Variants in MPRIP observed in about 807,000 individuals in gnomAD.
MPRIP encodes myosin phosphatase Rho interacting protein, also known as myosin phosphatase Rho-interacting protein.
A neutral mutation model predicts 234.9 loss-of-function variants in MPRIP; 59 were observed. The ratio of observed to expected loss-of-function variants is 0.25; its 90% CI spans 0.20 to 0.31. The LOEUF is 0.31. MPRIP is among the 10% of genes least tolerant of loss of function. MPRIP has a pLI of 1.00. For missense variants in MPRIP, 2,436 were observed against 3,071.0 expected, an observed-to-expected ratio of 0.79 and a Z score of 4.89; for synonymous variants, 1,144 against 1,263.9, an observed-to-expected ratio of 0.91 and a Z score of 2.01.
chr17:17,129,376 T>A (rs2090554076), intron 4 of MPRIP, among the ~76,000 whole-genome samples: 1 of 152,084 alleles, frequency 6.6e-6, no homozygotes, highest in African/African-American at 2.4e-5. Context: ...ACCCCTCTCC[T>A]CTCTTCTTGG....
chr17:17,149,956 ATGG>A (rs976657194), intron 11 of MPRIP, 185 bp from the exon 12 acceptor site: 1 of 547,996 alleles, frequency 1.8e-6, no homozygotes, highest in Admixed American at 3.3e-5. Context: ...ACAGGGACAG[ATGG>A]TGGTGTGATT....
In MPRIP at chr17:17,172,720, C is replaced by T. The variant is rs754543504; in HGVS notation, c.6495C>T (p.Ala2165=). The T allele has an allele frequency of 1.2e-6, 2 of 1,611,510 alleles. No individual in the cohort carries two copies. The highest frequency in any genetic ancestry group is 1.7e-6 in the Non-Finnish European group (2 of 1,179,996). The change falls in exon 18 of 24, where the codon GCC becomes GCT. Residue 2165 remains alanine (A), a synonymous_variant. Transcript: ENST00000651222. The part of the protein sequence containing the change: ...TISAIEAMKN[A]HREEMERELE... The stretch of plus-strand genomic sequence containing the variant: ...CAGCCATCGAAGCCATGAAGAACGC[C>T]CACCGGGAGGAAATGGAGCGGGAGC...
chr17:17,148,968 A>G (rs1233127198), intron 11 of MPRIP, among the ~76,000 whole-genome samples: 2 of 152,244 alleles, frequency 1.3e-5, no homozygotes, highest in African/African-American at 4.8e-5. Flanking sequence ...TGGTATTAGC[A>G]AAGGCGATAT....
Position 17,143,632 on chromosome 17 carries a change from A to G in MPRIP, c.1466A>G (p.Lys489Arg), listed in dbSNP as rs1024593008. 2.5e-6 allele frequency: 4 copies of G among 1,607,350 alleles called. No homozygotes were observed. Among genetic ancestry groups the G allele is most frequent in the Middle Eastern group, 1.7e-4 (1 of 6,052 alleles). Residue 489 changes from lysine (K) to arginine (R), a missense_variant, in exon 9 of 24, where the codon AAG (lysine) becomes AGG (arginine). This residue lies in a region of MPRIP where 1,998 missense variants were observed against 2,520.3 expected (regional missense o/e 0.79). Coordinates refer to ENST00000651222, the MANE Select transcript of MPRIP (RefSeq NM_001364716.4). ...CCCCTGTCTCCACACCGAAGAGCCA[A>G]GTCACTGGACAGGAGGTCCACGGAG... is the stretch of plus-strand genomic sequence containing the variant. ...ASPLSPHRRA[K>R]SLDRRSTEPS...
At chr17:17,044,391 C>A (rs2088279802) in intron 1 of MPRIP, among the ~76,000 whole-genome samples, 1 of 152,220 alleles carries the variant, frequency 6.6e-6, no homozygotes, top group Non-Finnish European at 1.5e-5. Context: ...TTGGCTGTCA[C>A]TTCCAGCTGT....
In MPRIP at chr17:17,101,646, A is replaced by G. The variant is rs565901520; in HGVS notation, c.267+23570A>G. ...ACTTCAAAGAAAAACCTTCAGCAAC[A>G]TTAAACAGTAGTGTAGACAGCAGTG... On this transcript the variant is annotated intron_variant, in intron 3 of 23. Transcript: ENST00000651222. 4.6e-5 allele frequency among the ~76,000 whole-genome samples: 7 copies of G among 152,374 alleles called. No homozygotes were observed. The East Asian group carries it at 1.3e-3, about 29-fold the overall frequency.
At chr17:17,115,862 A>G (rs2090275551) in intron 3 of MPRIP, among the ~76,000 whole-genome samples, 1 of 152,158 alleles carries the variant, frequency 6.6e-6, no homozygotes, top group African/African-American at 2.4e-5. Context: ...GGTGCTGATC[A>G]TGCAAAGGCC....
At chr17:17,086,759 T>A (rs1467607534) in intron 3 of MPRIP, among the ~76,000 whole-genome samples, 2 of 152,202 alleles carry the variant, frequency 1.3e-5, no homozygotes, top group African/African-American at 2.4e-5. Context: ...CCACTTTTTT[T>A]CCCTGAAGTG....
At chr17:17,155,856 C>T (rs1316752847) in intron 13 of MPRIP, among the ~76,000 whole-genome samples, 1 of 152,246 alleles carries the variant, frequency 6.6e-6, no homozygotes, top group Non-Finnish European at 1.5e-5. Context: ...CCAGGGGCCA[C>T]ATCCTGTGGT....
rs59748753 is a variant in MPRIP, at chr17:17,096,288, G to GGT, written c.267+18265_267+18266dup. Among the ~76,000 whole-genome samples the GGT allele has an allele frequency of 1.2e-3, 160 of 136,582 alleles. 1 individual carries two copies. The highest frequency in any genetic ancestry group is 6.9e-3 in the Middle Eastern group (2 of 290). The allele number at this position is 136,582 out of a possible 152,430, so 89.6% of individuals were successfully genotyped here. ...CTTGGCAGGGTGTGTGTGTGTGCAG[G>GGT]GTGTGTGTGTGTGTGTGTGTGTGTG... On this transcript the variant is annotated intron_variant, in intron 3 of 23. Transcript: ENST00000651222.
At position 17,056,977 on chromosome 17, in the gene MPRIP, G is replaced by C. The variant is rs1047218908; in HGVS notation, c.123+14006G>C. Among the ~76,000 whole-genome samples the C allele has an allele frequency of 2.6e-5, 4 of 152,264 alleles. No individual in the cohort carries two copies. The East Asian group carries it at 7.7e-4, about 29-fold the overall frequency. On this transcript the variant is annotated intron_variant, in intron 1 of 23. Transcript: ENST00000651222. ...GAATTCATTCCTTGTATGGATGGTA[G>C]ACAGTGGGATTGCTTCACCCTTTTG...
Position 17,165,116 on chromosome 17 carries a change from A to G in MPRIP, c.3525A>G (p.Glu1175=). Residue 1175 remains glutamate, a synonymous_variant, in exon 16 of 24, where the codon GAA becomes GAG. Transcript: ENST00000651222. ...EKEEELERIK[E]AHEKVLEKKE... Reference sequence around the variant, plus strand: ...AGGAAGAGCTGGAGCGCATTAAGGAAGCACATGAGAAGGTTCTGGAGAAGA... The same window carrying G: ...AGGAAGAGCTGGAGCGCATTAAGGAGGCACATGAGAAGGTTCTGGAGAAGA... 1 of 1,304,196 alleles carries G rather than the reference A, an allele frequency of 7.7e-7. No homozygotes were observed. The highest frequency in any genetic ancestry group is 1.2e-5 in the South Asian group (1 of 81,026). The allele number at this position is 1,304,196 out of a possible 1,614,324, so 80.8% of individuals were successfully genotyped here. A position where few individuals can be genotyped will look rare whatever the true frequency, so the allele number is the denominator to read the frequency against.
At chr17:17,043,986 C>T (rs2088265193) in intron 1 of MPRIP, among the ~76,000 whole-genome samples, 1 of 152,174 alleles carries the variant, frequency 6.6e-6, no homozygotes, top group Admixed American at 6.5e-5. Context: ...ACCCCTTAGA[C>T]TGAAAACGAG....
At chr17:17,176,779 A>G (rs1463697459) in intron 21 of MPRIP, among the ~76,000 whole-genome samples, 2 of 152,224 alleles carry the variant, frequency 1.3e-5, no homozygotes, top group Non-Finnish European at 2.9e-5. Flanking sequence ...GTTCCAGAGA[A>G]AAGGCCTGTG....
Position 17,165,186 on chromosome 17 carries a change from G to A in MPRIP, c.3595G>A (p.Gly1199Arg), listed in dbSNP as rs1478737245. 7.7e-7 allele frequency: 1 copy of A among 1,304,178 alleles called. No homozygotes were observed. Among genetic ancestry groups the A allele is most frequent in the South Asian group, 1.2e-5 (1 of 81,034 alleles). The allele number at this position is 1,304,178 out of a possible 1,614,324, so 80.8% of individuals were successfully genotyped here. A position where few individuals can be genotyped will look rare whatever the true frequency, so the allele number is the denominator to read the frequency against. ...NEALVKMVAL[G>R]SSLEETEIKL... ...GGCTTTGGTTAAAATGGTTGCCTTG[G>A]GGAGCAGCTTAGAGGAAACAGAAAT... The change falls in exon 16 of 24, where the codon GGG (glycine) becomes AGG (arginine). Residue 1199 changes from glycine to arginine, a missense_variant. By Grantham distance (125) the Gly-to-Arg change is moderately radical (BLOSUM62 -2). This residue lies in a region of MPRIP where 1,998 missense variants were observed against 2,520.3 expected (regional missense o/e 0.79). Transcript: ENST00000651222.
Position 17,160,933 on chromosome 17 carries a change from G to A in MPRIP, c.2401-307G>A, listed in dbSNP as rs572134823. ...GTATGGGCCTTGGCACCTATATAGG[G>A]CGTGCATGTTGGAACCTTGAGCAGG... On this transcript the variant is annotated intron_variant, in intron 14 of 23. Transcript: ENST00000651222. Among the ~76,000 whole-genome samples the A allele has an allele frequency of 6.6e-4, 101 of 152,350 alleles. 1 individual carries two copies. Among genetic ancestry groups the A allele is most frequent in the African/African-American group, 1.4e-3 (57 of 41,570 alleles).
At chr17:17,112,311 C>A (rs2090188617) in intron 3 of MPRIP, among the ~76,000 whole-genome samples, 1 of 152,138 alleles carries the variant, frequency 6.6e-6, no homozygotes, top group Non-Finnish European at 1.5e-5. Context: ...TTTAAGACAT[C>A]TGAATCCTCC....
rs532196305 is a variant in MPRIP at position 17,142,333 on chromosome 17, G to A, written c.1251-294G>A. On this transcript the variant is annotated intron_variant, in intron 7 of 23. Coordinates refer to ENST00000651222, the MANE Select transcript of MPRIP (RefSeq NM_001364716.4). ...TTTTGATCATGTCTGTGGCTCAGGA[G>A]AGGCTGCCGGGTGCCAAGCTGTGTG... is the stretch of plus-strand genomic sequence containing the variant. 1.2e-5 allele frequency: 4 copies of A among 320,208 alleles called. No homozygotes were observed. The South Asian group carries it at 1.7e-4, about 13-fold the overall frequency. The allele number at this position is 320,208 out of a possible 1,614,324, so 19.8% of individuals were successfully genotyped here.
chr17:17,126,065 C>G (rs1009029310), intron 3 of MPRIP, among the ~76,000 whole-genome samples: 1 of 152,222 alleles, frequency 6.6e-6, no homozygotes, highest in Non-Finnish European at 1.5e-5. Context: ...TAAAGGCATC[C>G]TTTCCTGCTT....
Sources: gnomAD v4.1 joint callset for allele counts (sites outside exome capture counted in the v4.1 genomes callset) on GRCh38, gnomAD v4.1.1 for gene constraint, gnomAD v4.1.1 regional missense constraint, MANE v1.5 for transcripts, NCBI Gene and HGNC (gene_info 2026-07-23, HGNC 2026-07-21) for gene names.